NLRP1: variants seen among roughly 807,000 people sequenced by gnomAD.
NLRP1 encodes the protein NLR family pyrin domain containing 1.
Under a neutral mutation model 136.7 loss-of-function variants are expected in NLRP1, and 94 were observed. The ratio of observed to expected loss-of-function variants is 0.69; its 90% CI spans 0.58 to 0.82. The LOEUF is 0.82. Ranked by LOEUF, NLRP1 falls within the 40% of genes least tolerant of loss-of-function variation. The probability of loss-of-function intolerance (pLI) is 0.00; values close to 1 mark genes in which losing one functional copy is unlikely to be tolerated. For synonymous variants in NLRP1, 690 were observed against 725.1 expected (o/e 0.95, Z 0.78); for missense variants, 1,575 against 1,802.7 (o/e 0.87, Z 2.29).
At chr17:5,506,737 C>CAAA (rs776202533) in intron 15 of NLRP1, among the ~76,000 whole-genome samples, 36,916 of 131,000 alleles carry the variant, frequency 0.28, 5,466 homozygotes, top group African/African-American at 0.39. Context: ...ACTAAAAATA[C>CAAA]AAAAAAAAAA....
At chr17:5,538,962 C>A (rs1174921724) in intron 7 of NLRP1, among the ~76,000 whole-genome samples, 1 of 152,136 alleles carries the variant, frequency 6.6e-6, no homozygotes, top group Non-Finnish European at 1.5e-5. Context: ...CTCACTGCAA[C>A]CTCTGCCTCC....
intron 15 of NLRP1, chr17:5,501,967 C>T: frequency 9.1e-7 from 1 of 1,102,198 alleles, no homozygotes. Context: ...GCAAATCCAA[C>T]TCAAACTGCC....
At chr17:5,532,423 TTTGTTTTTTGA>T (rs1910418207) in intron 11 of NLRP1, among the ~76,000 whole-genome samples, 1 of 152,216 alleles carries the variant, frequency 6.6e-6, no homozygotes, top group African/African-American at 2.4e-5. Context: ...GGTTTTTATT[TTTGTTTTTTGA>T]GATGCGTAAT....
rs929548653 is a variant in NLRP1, at chr17:5,541,402, C to T, written c.2699+455G>A. Among the ~76,000 whole-genome samples, 32 of 152,128 alleles carry T rather than the reference C, an allele frequency of 2.1e-4. No individual in the cohort carries two copies. The highest frequency in any genetic ancestry group is 2.0e-3 in the Admixed American group (31 of 15,272). On this transcript the variant is annotated intron_variant, in intron 6 of 16. Coordinates refer to ENST00000572272, the MANE Select transcript of NLRP1 (RefSeq NM_033004.4). This position sits in a 1 kb window ranked among gnomAD's most constrained non-coding sequence, Gnocchi z 4.2. ...TGTCCCCTCGGATGAGATAGTAAAT[C>T]GAACTAAGTGGACACCAGTGATTTC...
chr17:5,525,496 G>C (rs868130852), intron 12 of NLRP1, among the ~76,000 whole-genome samples: 1 of 152,248 alleles, frequency 6.6e-6, no homozygotes, highest in Non-Finnish European at 1.5e-5. Context: ...CCTGTGGCCT[G>C]ATGCCTGGCC....
chr17:5,551,346 T>C (rs1913333112), intron 5 of NLRP1, among the ~76,000 whole-genome samples: 1 of 152,220 alleles, frequency 6.6e-6, no homozygotes, highest in South Asian at 2.1e-4. Flanking sequence ...TCCATATCTT[T>C]GTGTAGCTTG....
intron 12 of NLRP1, among the ~76,000 whole-genome samples, chr17:5,525,978 A>AT (rs1909489432): frequency 6.8e-5 from 5 of 74,026 alleles, no homozygotes; most frequent in South Asian, 1.0e-3. Context: ...AAAGCTACTA[A>AT]ATTTTTTTTT....
Position 5,521,540 on chromosome 17 carries a change from T to A in NLRP1, c.3767A>T (p.Asp1256Val). ...VTFHLYLIPS[D>V]CSIRKAIDDL... ...TAGTGTCACCTTCCGAATGGAGCAGTCACTTGGGATCAGGTAGAGGTGGAA... is the reference window on the plus strand; with the variant it reads ...TAGTGTCACCTTCCGAATGGAGCAGACACTTGGGATCAGGTAGAGGTGGAA... Residue 1256 changes from aspartate (D) to valine (V), a missense_variant, in exon 13 of 17, where the codon GAC becomes GTC. Transcript: ENST00000572272. 6.2e-7 allele frequency: 1 copy of A among 1,613,812 alleles called. No homozygotes were observed. The highest frequency in any genetic ancestry group is 8.5e-7 in the Non-Finnish European group (1 of 1,179,916).
chr17:5,552,687 T>C (rs1913529708), intron 5 of NLRP1, among the ~76,000 whole-genome samples: 1 of 152,248 alleles, frequency 6.6e-6, no homozygotes, highest in Non-Finnish European at 1.5e-5. Context: ...TATAGCTCTC[T>C]TACATCTAGC....
chr17:5,513,392 T>C (rs1907762012), downstream of NLRP1, among the ~76,000 whole-genome samples: 1 of 152,242 alleles, frequency 6.6e-6, no homozygotes, highest in Non-Finnish European at 1.5e-5. Flanking sequence ...ATGCTTGGCT[T>C]TGATCTCTTC....
chr17:5,514,934 C>T lies in NLRP1; in HGVS notation c.4242G>A (p.Glu1414=). 1 of 1,614,228 alleles carries T rather than the reference C, an allele frequency of 6.2e-7. No individual in the cohort carries two copies. Among genetic ancestry groups the T allele is most frequent in the Non-Finnish European group, 8.5e-7 (1 of 1,180,042 alleles). Residue 1414 remains glutamate (E), a synonymous_variant, in exon 17 of 17, where the codon GAG becomes GAA. Coordinates refer to ENST00000572272, the MANE Select transcript of NLRP1 (RefSeq NM_033004.4). ...GCCTCGTGTTCTCAGCCAGCACCCT[C>T]TCGTACTGCTCCTGGCTCAGCACCT... is the stretch of plus-strand genomic sequence containing the variant. ...HGQVLSQEQY[E]RVLAENTRPS... is the part of the protein sequence containing the mutation.
intron 5 of NLRP1, among the ~76,000 whole-genome samples, chr17:5,551,352 G>T (rs1913333963): frequency 6.6e-6 from 1 of 152,108 alleles, no homozygotes; most frequent in African/African-American, 2.4e-5. Context: ...TCTTTGTGTA[G>T]CTTGATAGCT....
intron 4 of NLRP1, among the ~76,000 whole-genome samples, chr17:5,557,160 T>C (rs887577898): frequency 5.3e-5 from 8 of 151,618 alleles, no homozygotes; most frequent in African/African-American, 1.5e-4. Context: ...TGTGCCACCA[T>C]GCCCAGATAA....
chr17:5,531,172 TAATCTATCTATC>T (rs988153671), intron 11 of NLRP1, among the ~76,000 whole-genome samples: 2 of 126,404 alleles, frequency 1.6e-5, no homozygotes, highest in African/African-American at 6.1e-5. Context: ...CTAATCTATC[TAATCTATCTATC>T]TATCTATCTA....
intron 6 of NLRP1, among the ~76,000 whole-genome samples, chr17:5,540,887 C>T (rs906082991): frequency 1.3e-5 from 2 of 152,066 alleles, no homozygotes; most frequent in Non-Finnish European, 2.9e-5. Flanking sequence ...ACAAAGATCT[C>T]GCAAGGTGTA....
intron 3 of NLRP1, among the ~76,000 whole-genome samples, chr17:5,569,444 G>A (rs1263351782): frequency 6.6e-6 from 1 of 151,996 alleles, no homozygotes; most frequent in African/African-American, 2.4e-5. Flanking sequence ...CCAAGCAAAT[G>A]GAAAACAAAC....
intron 5 of NLRP1, among the ~76,000 whole-genome samples, chr17:5,542,246 T>C (rs1277679557): frequency 6.6e-6 from 1 of 152,208 alleles, no homozygotes; most frequent in Non-Finnish European, 1.5e-5. Context: ...AACCCTCCAA[T>C]GTTTTCCCAC....
downstream of NLRP1, chr17:5,512,146 G>A (rs948125706): frequency 2.2e-6 from 2 of 898,946 alleles, no homozygotes; most frequent in Admixed American, 1.7e-5. Flanking sequence ...CAGACCAACT[G>A]TGGCCATTCG....
At chr17:5,578,805 T>C (rs1905271590) in intron 3 of NLRP1, among the ~76,000 whole-genome samples, 1 of 152,212 alleles carries the variant, frequency 6.6e-6, no homozygotes, top group Non-Finnish European at 1.5e-5. Flanking sequence ...TAAAGACACA[T>C]GCACACGTAT....
Sources: gnomAD v4.1 joint callset for allele counts (sites outside exome capture counted in the v4.1 genomes callset) on GRCh38, gnomAD v4.1.1 for gene constraint, Gnocchi (gnomAD v3.1) non-coding constraint, MANE v1.5 for transcripts, NCBI Gene and HGNC (gene_info 2026-07-23, HGNC 2026-07-21) for gene names.